Variants in RBFOX1 observed in about 807,000 individuals in gnomAD.
The protein encoded by RBFOX1 is RNA binding fox-1 homolog 1.
Under a neutral mutation model 57.7 loss-of-function variants are expected in RBFOX1, and 8 were observed. That is an observed-to-expected ratio of 0.14 (90% CI 0.08 to 0.25). The LOEUF (loss-of-function observed/expected upper bound fraction) is 0.25, where lower values mean the gene tolerates loss of function less well. Among genes scored for constraint, RBFOX1 ranks in the 10% least tolerant of loss-of-function variants. The pLI, the probability that RBFOX1 is intolerant of heterozygous loss-of-function variation, is 1.00. For missense variants in RBFOX1, 611 were observed against 548.5 expected (o/e 1.11, Z -1.14); for synonymous variants, 326 against 222.4 (o/e 1.47, Z -4.15).
At chr16:7,588,460 T>C (rs778623112) in intron 7 of RBFOX1, among the ~76,000 whole-genome samples, 3 of 152,212 alleles carry the variant, frequency 2.0e-5, no homozygotes, top group Non-Finnish European at 4.4e-5. Context: ...GGGAGAATGA[T>C]GGAGAACAAA....
chr16:5,975,312 A>G (rs2060039680), intron 4 of RBFOX1, among the ~76,000 whole-genome samples: 1 of 152,136 alleles, frequency 6.6e-6, no homozygotes, highest in Admixed American at 6.5e-5. Flanking sequence ...GCAATACATC[A>G]CCCAAGCTCT....
chr16:6,602,118 C>G (rs1190967492), intron 2 of RBFOX1, among the ~76,000 whole-genome samples: 8 of 152,058 alleles, frequency 5.3e-5, no homozygotes, highest in African/African-American at 1.9e-4. Context: ...TGTCTGTCTT[C>G]TTTGGAGAAA....
chr16:7,666,903 A>G (rs2069517026), intron 13 of RBFOX1, among the ~76,000 whole-genome samples: 1 of 152,178 alleles, frequency 6.6e-6, no homozygotes, highest in African/African-American at 2.4e-5. Context: ...GCAGCTCGGG[A>G]AGCATCAGGG....
chr16:6,880,858 A>G (rs1267986671), intron 3 of RBFOX1, among the ~76,000 whole-genome samples: 2 of 152,230 alleles, frequency 1.3e-5, no homozygotes, highest in Admixed American at 6.5e-5. Flanking sequence ...AGCAAACTAT[A>G]TACATTTTAT....
At chr16:7,021,524 T>A (rs1387682431) in intron 3 of RBFOX1, among the ~76,000 whole-genome samples, 5 of 145,722 alleles carry the variant, frequency 3.4e-5, no homozygotes, top group Admixed American at 2.7e-4. Context: ...TTTTATAAAA[T>A]TTATAAAATT....
At chr16:7,060,473 A>G (rs966018962) in intron 4 of RBFOX1, among the ~76,000 whole-genome samples, 2 of 152,218 alleles carry the variant, frequency 1.3e-5, no homozygotes, top group African/African-American at 4.8e-5. Flanking sequence ...TTTCTATATC[A>G]CTTTAAAAGT....
chr16:5,836,638 C>T (rs1380049656), intron 3 of RBFOX1, among the ~76,000 whole-genome samples: 2 of 152,224 alleles, frequency 1.3e-5, no homozygotes, highest in African/African-American at 2.4e-5. Flanking sequence ...TCAAACTTTG[C>T]ACTGTGGACG....
chr16:6,191,440 A>G (rs547062895), intron 1 of RBFOX1, among the ~76,000 whole-genome samples: 19 of 152,236 alleles, frequency 1.2e-4, no homozygotes, highest in African/African-American at 4.3e-4. Flanking sequence ...GGGTGGTCAC[A>G]TGGTACTGTG....
intron 4 of RBFOX1, among the ~76,000 whole-genome samples, chr16:5,905,501 C>G (rs941230282): frequency 6.6e-6 from 1 of 152,060 alleles, no homozygotes; most frequent in South Asian, 2.1e-4. Flanking sequence ...TGCTTGAGCC[C>G]AGGAGTTTTT....
At chr16:7,189,777 C>G (rs13332829) in intron 4 of RBFOX1, among the ~76,000 whole-genome samples, 1,753 of 152,322 alleles carry the variant, frequency 0.012, 31 homozygotes, top group African/African-American at 0.04. Flanking sequence ...CTATAACTTT[C>G]CCTATGCATC....
intron 1 of RBFOX1, among the ~76,000 whole-genome samples, chr16:5,377,348 CTT>C (rs1188412080): frequency 2.6e-5 from 4 of 151,268 alleles, no homozygotes; most frequent in African/African-American, 9.9e-5. Flanking sequence ...AGAAAGCCCC[CTT>C]GAGATGGGGT....
intron 4 of RBFOX1, among the ~76,000 whole-genome samples, chr16:7,257,320 C>T (rs1251728525): frequency 6.6e-6 from 1 of 152,144 alleles, no homozygotes; most frequent in African/African-American, 2.4e-5. Flanking sequence ...GTGTATTTCC[C>T]ACCACCCAAA....
intron 3 of RBFOX1, among the ~76,000 whole-genome samples, chr16:6,671,352 T>C (rs917337000): frequency 2.6e-5 from 4 of 152,200 alleles, no homozygotes; most frequent in African/African-American, 7.2e-5. Flanking sequence ...ATATAATGTT[T>C]AATAAAAACA....
chr16:7,185,466 A>G (rs2083531512), intron 4 of RBFOX1, among the ~76,000 whole-genome samples: 3 of 152,196 alleles, frequency 2.0e-5, no homozygotes, highest in Non-Finnish European at 2.9e-5. Context: ...GATTAGAGCT[A>G]TCTGGGTCTA....
At chr16:6,143,805 T>C (rs1443847637) in intron 1 of RBFOX1, among the ~76,000 whole-genome samples, 1 of 152,022 alleles carries the variant, frequency 6.6e-6, no homozygotes, top group African/African-American at 2.4e-5. Flanking sequence ...TTGTTGGTTT[T>C]GTTTTTTAGA....
intron 1 of RBFOX1, among the ~76,000 whole-genome samples, chr16:6,280,434 G>A (rs2076255947): frequency 6.6e-6 from 1 of 152,092 alleles, no homozygotes; most frequent in Non-Finnish European, 1.5e-5. Flanking sequence ...GGAGAAAGAT[G>A]GAGACAGATT....
In RBFOX1 at chr16:5,809,259, A is replaced by C. The variant is rs557413876; in HGVS notation, c.319-58044A>C. ...AGGCATTACCATTCAGGACATAGGC[A>C]CAGGCAAGGACTTCAAGTCTAAAAC... On this transcript the variant is annotated intron_variant, in intron 3 of 19. Transcript: ENST00000641259. 7.2e-5 allele frequency among the ~76,000 whole-genome samples: 11 copies of C among 152,344 alleles called. No individual in the cohort carries two copies. In the South Asian group the frequency reaches 2.3e-3, roughly 32 times the overall value.
intron 3 of RBFOX1, among the ~76,000 whole-genome samples, chr16:6,795,331 G>A (rs919127015): frequency 2.6e-5 from 4 of 152,010 alleles, no homozygotes; most frequent in African/African-American, 4.8e-5. Context: ...CTGGTTTCAG[G>A]GCTGCTGATG....
At chr16:7,486,923 G>A (rs2065555408) in intron 4 of RBFOX1, among the ~76,000 whole-genome samples, 1 of 152,048 alleles carries the variant, frequency 6.6e-6, no homozygotes, top group East Asian at 1.9e-4. Flanking sequence ...TTTTTGAAAT[G>A]GAGTCTTGCT....
Sources: allele counts gnomAD v4.1 joint callset (sites outside exome capture counted in the v4.1 genomes callset), GRCh38; gene constraint gnomAD v4.1.1; transcripts MANE v1.5; gene names NCBI Gene and HGNC (gene_info 2026-07-23, HGNC 2026-07-21).